Variants in PGAP2 observed in about 807,000 individuals in gnomAD.
PGAP2 encodes acyltransferase PGAP2.
PGAP2 carries 21 observed loss-of-function variants against 33.2 expected under a neutral mutation model. That is an observed-to-expected ratio of 0.63 (90% CI 0.45 to 0.91). The LOEUF is 0.91. Among genes scored for constraint, PGAP2 ranks in the 40% least tolerant of loss-of-function variants. The pLI is 0.00. For synonymous variants in PGAP2, 161 were observed against 172.9 expected, an observed-to-expected ratio of 0.93 and a Z score of 0.54; for missense variants, 345 against 424.0, an observed-to-expected ratio of 0.81 and a Z score of 1.64.
At position 3,801,112 on chromosome 11, in the gene PGAP2, C is replaced by G. The variant is rs184471793; in HGVS notation, c.139+3130C>G. 8.6e-4 allele frequency among the ~76,000 whole-genome samples: 126 copies of G among 146,098 alleles called. 1 individual carries two copies. The highest frequency in any genetic ancestry group is 3.1e-3 in the African/African-American group (124 of 39,652). On this transcript the variant is annotated intron_variant, in intron 1 of 6. Coordinates refer to the PGAP2 transcript ENST00000300730. ...TGGCACCATTGCACTCCAGCGTGGG[C>G]AACAAGAGTGAAAGTCTGTCTTCAA...
chr11:3,798,032 G>T (rs1466288500), intron 1 of PGAP2: 1 of 1,535,764 alleles, frequency 6.5e-7, no homozygotes. Context: ...CTGCTGGGAA[G>T]GCTTCCTAGT....
At chr11:3,801,160 GA>G (rs1455203911) in intron 1 of PGAP2, among the ~76,000 whole-genome samples, 3 of 151,434 alleles carry the variant, frequency 2.0e-5, no homozygotes, top group Non-Finnish European at 4.4e-5. Flanking sequence ...AGAAAGGAAA[GA>G]AAAAGAAATT....
chr11:3,824,482 G>A (rs778963282), intron 5 of PGAP2, 106 bp downstream of exon 5: 3 of 1,562,330 alleles, frequency 1.9e-6, no homozygotes, highest in East Asian at 2.3e-5. Flanking sequence ...GTTCTAATGG[G>A]AACCCTGGCA....
intron 1 of PGAP2, among the ~76,000 whole-genome samples, chr11:3,798,986 C>T (rs1656389740): frequency 6.6e-6 from 1 of 152,226 alleles, no homozygotes; most frequent in Admixed American, 6.5e-5. Context: ...CAAATGTTCC[C>T]ATCTTCTCAG....
rs890490203 is a variant in PGAP2 at position 3,825,542 on chromosome 11, T to A, written c.*84T>A. ...CCATTCTGGCCTTCCCCACCCCACA[T>A]CCTCTCTTGGCCTTACTGAAGATGG... On this transcript the variant is annotated 3_prime_UTR_variant, in exon 7 of 7. Coordinates refer to ENST00000278243, the MANE Select transcript of PGAP2 (RefSeq NM_014489.4). The A allele has an allele frequency of 1.4e-6, 2 of 1,406,730 alleles. No individual in the cohort carries two copies. Among genetic ancestry groups the A allele is most frequent in the Non-Finnish European group, 9.8e-7 (1 of 1,023,984 alleles). 87.1% of individuals were successfully genotyped at this position (1,406,730 alleles called of 1,614,324 possible).
chr11:3,798,130 C>T, intron 1 of PGAP2: 2 of 1,453,206 alleles, frequency 1.4e-6, no homozygotes, highest in Non-Finnish European at 1.8e-6. Context: ...TTGCCCGAGG[C>T]TTCTTCAGGG....
chr11:3,825,140 A>G lies in PGAP2; in HGVS notation c.817+12A>G. 6.2e-7 allele frequency: 1 copy of G among 1,613,664 alleles called. No individual in the cohort carries two copies. The highest frequency in any genetic ancestry group is 8.5e-7 in the Non-Finnish European group (1 of 1,179,574). ...TTGTGAGGCTGGAGGTGAGGCCAGG[A>G]TAGGATCCACAGGCGGTCATGAGTG... On this transcript the variant is annotated intron_variant, in intron 6 of 6. Coordinates refer to ENST00000278243, the MANE Select transcript of PGAP2 (RefSeq NM_014489.4).
chr11:3,816,270 T>C (rs1345871727), intron 2 of PGAP2: 3 of 152,862 alleles, frequency 2.0e-5, no homozygotes, highest in Non-Finnish European at 4.4e-5. Flanking sequence ...TGTTCCTTCA[T>C]GAGGCCCCCA....
At chr11:3,813,500 C>T (rs940588003) in intron 2 of PGAP2, among the ~76,000 whole-genome samples, 1 of 152,224 alleles carries the variant, frequency 6.6e-6, no homozygotes, top group Non-Finnish European at 1.5e-5. Context: ...CCTCCTGCCT[C>T]AGCCTCCTGA....
intron 3 of PGAP2, among the ~76,000 whole-genome samples, chr11:3,819,875 AAG>A (rs1373219425): frequency 2.0e-5 from 3 of 152,008 alleles, no homozygotes; most frequent in Non-Finnish European, 4.4e-5. Context: ...TACATGATGG[AAG>A]AGACAGTCCC....
intron 2 of PGAP2, among the ~76,000 whole-genome samples, chr11:3,816,838 C>T (rs541879640): frequency 6.6e-6 from 1 of 152,276 alleles, no homozygotes; most frequent in East Asian, 1.9e-4. Flanking sequence ...AGGGCTTTGG[C>T]CATTCTGAGC....
At chr11:3,822,557 C>T (rs1379980909) in intron 3 of PGAP2, among the ~76,000 whole-genome samples, 1 of 151,816 alleles carries the variant, frequency 6.6e-6, no homozygotes, top group Admixed American at 6.6e-5. Context: ...TCACCTGAGC[C>T]CAGGAGGTCA....
intron 4 of PGAP2, 51 bp from the exon 5 acceptor site, chr11:3,824,219 C>CA: frequency 6.2e-7 from 1 of 1,612,092 alleles, no homozygotes. Flanking sequence ...CTTCCTACTT[C>CA]GTGGTGTGGG....
upstream of PGAP2, chr11:3,808,489 G>C: frequency 7.1e-7 from 1 of 1,417,418 alleles, no homozygotes; most frequent in Non-Finnish European, 9.2e-7. Context: ...AAGCGGGGAG[G>C]AGCCAGCGGA....
At chr11:3,820,414 C>T (rs1296717819) in intron 3 of PGAP2, among the ~76,000 whole-genome samples, 1 of 152,192 alleles carries the variant, frequency 6.6e-6, no homozygotes, top group Non-Finnish European at 1.5e-5. Context: ...CATGTTGGCT[C>T]ACGCCTGTAA....
rs570880096 is a variant in PGAP2 at position 3,825,472 on chromosome 11, G to T, written c.*14G>T. The T allele has an allele frequency of 6.2e-7, 1 of 1,610,036 alleles. No homozygotes were observed. The highest frequency in any genetic ancestry group is 1.1e-5 in the South Asian group (1 of 90,640). On this transcript the variant is annotated 3_prime_UTR_variant, in exon 7 of 7. Transcript: ENST00000278243. ...AAGCGATTCTGAACCCTTCAGTCCT[G>T]CTTGGGAGGACGCAGCCCACTGCCC...
upstream of PGAP2, among the ~76,000 whole-genome samples, chr11:3,806,913 C>T (rs1590170816): frequency 6.6e-6 from 1 of 151,698 alleles, no homozygotes; most frequent in Non-Finnish European, 1.5e-5. Flanking sequence ...CCCAGCTACC[C>T]GGGAGGCTGA....
At chr11:3,802,173 G>A (rs549598457) in intron 1 of PGAP2, among the ~76,000 whole-genome samples, 10 of 150,930 alleles carry the variant, frequency 6.6e-5, no homozygotes, top group African/African-American at 2.2e-4. Flanking sequence ...AGATGTGCAG[G>A]GAAATAGTGC....
At chr11:3,816,763 C>T (rs894519024) in intron 2 of PGAP2, among the ~76,000 whole-genome samples, 1 of 152,170 alleles carries the variant, frequency 6.6e-6, no homozygotes, top group Admixed American at 6.5e-5. Context: ...GGCTCTGGGG[C>T]ACTCCCTCTG....
Sources: gnomAD v4.1 joint callset for allele counts (sites outside exome capture counted in the v4.1 genomes callset) on GRCh38, gnomAD v4.1.1 for gene constraint, MANE v1.5 for transcripts, NCBI Gene and HGNC (gene_info 2026-07-23, HGNC 2026-07-21) for gene names.